STK35: variants seen among roughly 807,000 people sequenced by gnomAD.
STK35 encodes serine/threonine-protein kinase 35.
In STK35, 17 loss-of-function variants were observed where a neutral mutation model predicts 37.3. The ratio of observed to expected loss-of-function variants is 0.46; its 90% CI spans 0.31 to 0.68. The LOEUF is 0.68. Ranked by LOEUF, STK35 falls within the 30% of genes least tolerant of loss-of-function variation. STK35 has a pLI of 0.05. For missense variants in STK35, 595 were observed against 746.7 expected (o/e 0.80, Z 2.37); for synonymous variants, 385 against 319.1 (o/e 1.21, Z -2.20).
At position 2,117,409 on chromosome 20, in the gene STK35, AAACT is replaced by A. The variant is rs768640740; in HGVS notation, c.*33_*36del. 6.5e-7 allele frequency: 1 copy of A among 1,531,906 alleles called. No individual in the cohort carries two copies. Among genetic ancestry groups the A allele is most frequent in the Admixed American group, 1.9e-5 (1 of 53,326 alleles). 94.9% of individuals were successfully genotyped at this position (1,531,906 alleles called of 1,614,324 possible). A position where few individuals can be genotyped will look rare whatever the true frequency, so the allele number is the denominator to read the frequency against. On this transcript the variant is annotated splice_region_variant and 3_prime_UTR_variant, in exon 3 of 4. Transcript: ENST00000381482. The surrounding 1 kb of genome is among the most constrained non-coding windows in gnomAD (Gnocchi z 4.4). ...AGGGCTAAGCATTTTGGGTGATTTTAAACTAGGTGAGTGCTCTCTGTTGTTGTTT... is the reference window on the plus strand; with the variant it reads ...AGGGCTAAGCATTTTGGGTGATTTTAAGGTGAGTGCTCTCTGTTGTTGTTT...
In STK35 at chr20:2,138,586, G is replaced by A. The variant is rs935590670; in HGVS notation, c.*38-5198G>A. Among the ~76,000 whole-genome samples the A allele has an allele frequency of 5.9e-5, 9 of 152,214 alleles. No homozygotes were observed. In the South Asian group the frequency reaches 1.9e-3, roughly 32 times the overall value. ...TGTTCTTCCCTGAGGGAGCACTGGA[G>A]TGACGATAAACCTCGTGGTTACCAG... On this transcript the variant is annotated intron_variant, in intron 3 of 3. Transcript: ENST00000381482.
chr20:2,121,322 T>C (rs1985813137), intron 3 of STK35, among the ~76,000 whole-genome samples: 1 of 152,070 alleles, frequency 6.6e-6, no homozygotes, highest in African/African-American at 2.4e-5. Flanking sequence ...AGAGAAGTGA[T>C]TATTGGATTT....
intron 2 of STK35, among the ~76,000 whole-genome samples, chr20:2,110,465 T>G (rs1476598702): frequency 6.6e-6 from 1 of 152,266 alleles, no homozygotes; most frequent in Non-Finnish European, 1.5e-5. Flanking sequence ...TAACTGTTAC[T>G]CATTCTCATT....
intron 3 of STK35, among the ~76,000 whole-genome samples, chr20:2,138,462 T>G (rs1241284041): frequency 1.3e-5 from 2 of 151,780 alleles, no homozygotes; most frequent in Non-Finnish European, 2.9e-5. Flanking sequence ...GAGGAAAGAG[T>G]TCCATGCCCA....
rs945238856 is a variant in STK35, at chr20:2,120,351, A to G, written c.*37+2936A>G. On this transcript the variant is annotated intron_variant, in intron 3 of 3. Coordinates refer to ENST00000381482, the MANE Select transcript of STK35 (RefSeq NM_080836.4). ...GGCGACCTTGAGAAGAGGGGAAAAG[A>G]TTAGGAATATGGTTACTGGTGAGTG... 5.3e-5 allele frequency among the ~76,000 whole-genome samples: 8 copies of G among 152,290 alleles called. No homozygotes were observed. In the East Asian group the frequency reaches 1.5e-3, roughly 29 times the overall value.
chr20:2,122,581 G>C (rs909100053), intron 3 of STK35, among the ~76,000 whole-genome samples: 1 of 152,172 alleles, frequency 6.6e-6, no homozygotes, highest in South Asian at 2.1e-4. Context: ...TTTCCTGACT[G>C]TGTGGCCTTA....
At chr20:2,113,685 C>G (rs535326833) in intron 2 of STK35, among the ~76,000 whole-genome samples, 2 of 152,312 alleles carry the variant, frequency 1.3e-5, no homozygotes, top group Admixed American at 6.5e-5. Context: ...TTATTGAAAT[C>G]GGTGACTTCC....
chr20:2,109,916 C>T (rs866243879), intron 2 of STK35, among the ~76,000 whole-genome samples: 1 of 152,342 alleles, frequency 6.6e-6, no homozygotes, highest in Admixed American at 6.5e-5. Context: ...CTTTACAGCC[C>T]CTGTCCGGCC....
At chr20:2,140,216 C>T (rs1285064916) in intron 3 of STK35, among the ~76,000 whole-genome samples, 1 of 152,174 alleles carries the variant, frequency 6.6e-6, no homozygotes, top group Non-Finnish European at 1.5e-5. Flanking sequence ...GATTTTTGCC[C>T]TCAAGGAGCG....
chr20:2,103,019 C>A lies in STK35; in HGVS notation c.546C>A (p.Gly182=). ...ATCCGGTGGCGGCCGAGGCCCCGGG[C>A]GAGGCCTTCCTGGCGCGGCGACGGC... ...AMDPVAAEAP[G]EAFLARRRPE... is the part of the protein sequence containing the mutation. Residue 182 remains glycine, a synonymous_variant, in exon 2 of 4, where the codon GGC becomes GGA. Transcript: ENST00000381482. 6.9e-7 allele frequency: 1 copy of A among 1,450,328 alleles called. No individual in the cohort carries two copies. Among genetic ancestry groups the A allele is most frequent in the Non-Finnish European group, 9.0e-7 (1 of 1,112,610 alleles). The allele number at this position is 1,450,328 out of a possible 1,614,324, so 89.8% of individuals were successfully genotyped here.
intron 3 of STK35, among the ~76,000 whole-genome samples, chr20:2,118,060 A>T (rs909526345): frequency 6.6e-6 from 1 of 152,180 alleles, no homozygotes; most frequent in Non-Finnish European, 1.5e-5. Flanking sequence ...AATAAACACT[A>T]TCTCTGATTG....
chr20:2,122,975 T>G (rs753189778), intron 3 of STK35, among the ~76,000 whole-genome samples: 1 of 152,216 alleles, frequency 6.6e-6, no homozygotes, highest in Non-Finnish European at 1.5e-5. Context: ...TGAAAGATGT[T>G]TAATAATTCC....
chr20:2,120,208 G>A (rs1985792424), intron 3 of STK35, among the ~76,000 whole-genome samples: 1 of 152,146 alleles, frequency 6.6e-6, no homozygotes, highest in Non-Finnish European at 1.5e-5. Context: ...TACGATTATG[G>A]GGTTGTCATA....
chr20:2,140,629 T>C (rs1986157888), intron 3 of STK35, among the ~76,000 whole-genome samples: 1 of 152,208 alleles, frequency 6.6e-6, no homozygotes, highest in African/African-American at 2.4e-5. Flanking sequence ...TTTTCCTTCT[T>C]TGTGCCCACA....
intron 3 of STK35, among the ~76,000 whole-genome samples, chr20:2,126,277 A>G (rs900667766): frequency 3.3e-5 from 5 of 152,186 alleles, no homozygotes; most frequent in Admixed American, 6.5e-5. Context: ...ATGGTCTCCT[A>G]GGAACTTAGT....
intron 3 of STK35, among the ~76,000 whole-genome samples, chr20:2,120,386 G>A (rs1414878972): frequency 7.2e-5 from 11 of 152,220 alleles, no homozygotes; most frequent in Non-Finnish European, 1.5e-4. Flanking sequence ...GTCCCAGGCT[G>A]TTTTGTTAAT....
intron 3 of STK35, among the ~76,000 whole-genome samples, chr20:2,125,744 G>C (rs1985893666): frequency 6.6e-6 from 1 of 152,250 alleles, no homozygotes; most frequent in Non-Finnish European, 1.5e-5. Flanking sequence ...TGGCAGAGGA[G>C]GCAAGGCTGG....
At chr20:2,104,386 C>T (rs745347434) in intron 2 of STK35, among the ~76,000 whole-genome samples, 9 of 152,174 alleles carry the variant, frequency 5.9e-5, no homozygotes, top group Admixed American at 3.3e-4. Context: ...AAAGTAAATT[C>T]TATCCTTTTT....
At chr20:2,121,373 C>T (rs982093830) in intron 3 of STK35, among the ~76,000 whole-genome samples, 1 of 151,954 alleles carries the variant, frequency 6.6e-6, no homozygotes, top group East Asian at 1.9e-4. Context: ...GATTTCCGGC[C>T]GGATCATATG....
Sources: gnomAD v4.1 joint callset for allele counts (sites outside exome capture counted in the v4.1 genomes callset) on GRCh38, gnomAD v4.1.1 for gene constraint, Gnocchi (gnomAD v3.1) non-coding constraint, MANE v1.5 for transcripts, NCBI Gene and HGNC (gene_info 2026-07-23, HGNC 2026-07-21) for gene names.